The following STIM1 variants were observed in gnomAD, a reference collection of about 807,000 sequenced individuals.
The protein encoded by STIM1 is stromal interaction molecule 1.
Under a neutral mutation model 74.7 loss-of-function variants are expected in STIM1, and 25 were observed. The ratio of observed to expected loss-of-function variants is 0.33; its 90% CI spans 0.24 to 0.47. The LOEUF (loss-of-function observed/expected upper bound fraction) is 0.47. Ranked by LOEUF, STIM1 falls within the 20% of genes least tolerant of loss-of-function variation. The pLI is 1.00. For missense variants in STIM1, 728 were observed against 920.8 expected (o/e 0.79, Z 2.71); for synonymous variants, 328 against 348.8 (o/e 0.94, Z 0.66).
chr11:4,088,100 G>A (rs570349517), intron 12 of STIM1, among the ~76,000 whole-genome samples: 1 of 152,234 alleles, frequency 6.6e-6, no homozygotes, highest in East Asian at 1.9e-4. Flanking sequence ...CTCAAAAAGT[G>A]TACTGGAAAA....
chr11:4,084,575 A>G, intron 10 of STIM1, 98 bp from the exon 11 acceptor site: 1 of 1,008,890 alleles, frequency 9.9e-7, no homozygotes, highest in African/African-American at 1.7e-5. Context: ...GAGCTACCCA[A>G]TCCCTGCCCC....
intron 2 of STIM1, among the ~76,000 whole-genome samples, chr11:4,007,554 C>G (rs2093794603): frequency 6.6e-6 from 1 of 152,044 alleles, no homozygotes; most frequent in African/African-American, 2.4e-5. Context: ...TATGGTTTGG[C>G]AGGGGAGATA....
chr11:3,863,212 G>A (rs2090699354), intron 1 of STIM1, among the ~76,000 whole-genome samples: 1 of 144,192 alleles, frequency 6.9e-6, no homozygotes, highest in African/African-American at 2.7e-5. Context: ...ATATATTTGA[G>A]ACAATGCATG....
rs1038417767 is a variant in STIM1 at position 3,864,948 on chromosome 11, G to A, written c.139+8539G>A. On this transcript the variant is annotated intron_variant, in intron 1 of 12. Coordinates refer to ENST00000526596, the MANE Select transcript of STIM1 (RefSeq NM_001382567.1). ...GACCTATCCTTTTTTCCTTCTCCCC[G>A]GACTCCTGGGCTCCAATTAGAAACT... Among the ~76,000 whole-genome samples, 2 of 151,856 alleles carry A rather than the reference G, an allele frequency of 1.3e-5. 1 individual carries two copies. Among genetic ancestry groups the A allele is most frequent in the Admixed American group, 1.3e-4 (2 of 15,256 alleles).
chr11:3,967,430 A>G, intron 1 of STIM1, 122 bp from the exon 2 acceptor site: 2 of 1,432,940 alleles, frequency 1.4e-6, no homozygotes, highest in Non-Finnish European at 2.0e-6. Context: ...TCACTGTACA[A>G]GTAGCCAGTT....
intron 6 of STIM1, among the ~76,000 whole-genome samples, chr11:4,073,919 C>CT (rs3838791): frequency 0.8 from 122,331 of 151,972 alleles, 51,375 homozygotes; most frequent in East Asian, 0.95. Context: ...TCAATAGTTC[C>CT]TCCTCATCTT....
At chr11:3,983,873 CTTTTTTT>C (rs879879292) in intron 2 of STIM1, among the ~76,000 whole-genome samples, 7 of 145,882 alleles carry the variant, frequency 4.8e-5, no homozygotes, top group Non-Finnish European at 1.1e-4. Flanking sequence ...TTTCTCCTTT[CTTTTTTT>C]TTTTTAGATG....
At chr11:3,866,374 G>C (rs1437021219) in intron 1 of STIM1, among the ~76,000 whole-genome samples, 1 of 151,610 alleles carries the variant, frequency 6.6e-6, no homozygotes. Context: ...ACTATCTGCA[G>C]TGCTCTCTGT....
chr11:4,020,836 C>T (rs1186216227), intron 2 of STIM1, among the ~76,000 whole-genome samples: 2 of 152,010 alleles, frequency 1.3e-5, no homozygotes, highest in Non-Finnish European at 2.9e-5. Flanking sequence ...ATCCTGATCT[C>T]AAGTGATCCT....
At chr11:3,925,211 A>C (rs1005881811) in intron 1 of STIM1, among the ~76,000 whole-genome samples, 1 of 152,232 alleles carries the variant, frequency 6.6e-6, no homozygotes, top group Non-Finnish European at 1.5e-5. Flanking sequence ...CCTGGCCAAC[A>C]TGGTGACACC....
intron 3 of STIM1, among the ~76,000 whole-genome samples, 167 bp downstream of exon 3, chr11:4,024,154 T>C (rs2093980378): frequency 6.6e-6 from 1 of 152,182 alleles, no homozygotes; most frequent in African/African-American, 2.4e-5. Flanking sequence ...GTCACTCTGC[T>C]GGGCATGGGG....
At chr11:4,001,846 C>T (rs1288055689) in intron 2 of STIM1, among the ~76,000 whole-genome samples, 1 of 143,178 alleles carries the variant, frequency 7.0e-6, no homozygotes, top group Non-Finnish European at 1.5e-5. Flanking sequence ...AAACCCATCT[C>T]ACGTGCAGAG....
intron 1 of STIM1, among the ~76,000 whole-genome samples, chr11:3,870,954 C>G (rs1213882128): frequency 6.8e-6 from 1 of 147,560 alleles, no homozygotes; most frequent in African/African-American, 2.5e-5. Flanking sequence ...CTCACTGCAA[C>G]CTCTGCCTCC....
intron 1 of STIM1, among the ~76,000 whole-genome samples, chr11:3,959,645 G>A (rs1277531516): frequency 6.6e-6 from 1 of 152,190 alleles, no homozygotes; most frequent in Non-Finnish European, 1.5e-5. Flanking sequence ...ACAGTGAACA[G>A]TGAATGATTA....
At chr11:4,026,467 T>C (rs1282584875) in intron 3 of STIM1, among the ~76,000 whole-genome samples, 1 of 152,216 alleles carries the variant, frequency 6.6e-6, no homozygotes, top group Non-Finnish European at 1.5e-5. Flanking sequence ...ATATGAAGTA[T>C]AGATATTATG....
intron 6 of STIM1, among the ~76,000 whole-genome samples, chr11:4,073,961 C>T (rs1313406306): frequency 1.3e-5 from 2 of 152,138 alleles, no homozygotes; most frequent in Admixed American, 1.3e-4. Context: ...CCACCCCAGT[C>T]ATTTCTCAGC....
intron 1 of STIM1, among the ~76,000 whole-genome samples, chr11:3,878,018 A>G (rs765017270): frequency 3.3e-5 from 5 of 152,210 alleles, no homozygotes; most frequent in Non-Finnish European, 5.9e-5. Context: ...AAGTGAGTAA[A>G]GAACATGTTC....
chr11:3,938,399 T>C (rs1011772923), intron 1 of STIM1, among the ~76,000 whole-genome samples: 9 of 152,172 alleles, frequency 5.9e-5, no homozygotes, highest in Non-Finnish European at 1.3e-4. Flanking sequence ...TCACAAAATA[T>C]CCTGTTGTAT....
intron 2 of STIM1, among the ~76,000 whole-genome samples, chr11:3,971,603 C>A (rs2093396561): frequency 6.6e-6 from 1 of 152,152 alleles, no homozygotes; most frequent in Non-Finnish European, 1.5e-5. Context: ...TCTGTTTCTA[C>A]CACAGCCGTT....
Sources: gnomAD v4.1 joint callset for allele counts (sites outside exome capture counted in the v4.1 genomes callset) on GRCh38, gnomAD v4.1.1 for gene constraint, MANE v1.5 for transcripts, NCBI Gene and HGNC (gene_info 2026-07-23, HGNC 2026-07-21) for gene names.